Variants in IQGAP1 observed in about 807,000 individuals in gnomAD.
The protein encoded by IQGAP1 is IQ motif containing GTPase activating protein 1.
Under a neutral mutation model 215.6 loss-of-function variants are expected in IQGAP1, and 66 were observed. That is an observed-to-expected ratio of 0.31 (90% CI 0.25 to 0.38). IQGAP1 has a LOEUF of 0.38. IQGAP1 is among the 10% of genes least tolerant of loss of function. IQGAP1 has a pLI of 1.00. For synonymous variants in IQGAP1, 772 were observed against 728.7 expected (o/e 1.06, Z -0.96); for missense variants, 1,712 against 1,997.1 (o/e 0.86, Z 2.72).
chr15:90,434,174 C>G lies in IQGAP1; in HGVS notation c.467+379C>G, dbSNP rs376644751. 4.6e-5 allele frequency among the ~76,000 whole-genome samples: 7 copies of G among 152,092 alleles called. No homozygotes were observed. The South Asian group carries it at 1.2e-3, about 27-fold the overall frequency. ...TTTATAAGCCGGATGCGGTGGCTCA[C>G]GCCTGTAATCCCAGCATTTTGGGAG... On this transcript the variant is annotated intron_variant, in intron 5 of 37. Transcript: ENST00000268182.
At chr15:90,420,446 CCTT>C (rs1965117742) in intron 2 of IQGAP1, among the ~76,000 whole-genome samples, 1 of 152,178 alleles carries the variant, frequency 6.6e-6, no homozygotes, top group Non-Finnish European at 1.5e-5. Context: ...TTAGCAAAAA[CCTT>C]CTGACTACTG....
At chr15:90,468,075 G>GT (rs200776956) in intron 18 of IQGAP1, among the ~76,000 whole-genome samples, 22,137 of 144,330 alleles carry the variant, frequency 0.15, 2,414 homozygotes, top group East Asian at 0.47. Context: ...TTTGTTTTTT[G>GT]TTTTTTTTTT....
intron 9 of IQGAP1, among the ~76,000 whole-genome samples, chr15:90,445,847 G>GTT (rs11320197): frequency 4.3e-5 from 6 of 140,714 alleles, no homozygotes; most frequent in Admixed American, 1.4e-4. Flanking sequence ...TTTTTTTTGG[G>GTT]TTTTTTTTTT....
intron 11 of IQGAP1, among the ~76,000 whole-genome samples, chr15:90,452,029 C>T (rs538462993): frequency 2.0e-5 from 3 of 152,202 alleles, no homozygotes; most frequent in South Asian, 2.1e-4. Context: ...GGGGTTTCAC[C>T]GTGTTGACCA....
At chr15:90,463,210 A>G (rs1182893726) in intron 15 of IQGAP1, among the ~76,000 whole-genome samples, 3 of 152,198 alleles carry the variant, frequency 2.0e-5, no homozygotes, top group Non-Finnish European at 4.4e-5. Context: ...CTTAAGGAGT[A>G]TGTATGAAAG....
At chr15:90,426,334 G>T in intron 3 of IQGAP1, 68 bp downstream of exon 3, 3 of 1,521,086 alleles carry the variant, frequency 2.0e-6, no homozygotes, top group Non-Finnish European at 1.8e-6. Flanking sequence ...TTTATTTTGT[G>T]TAAGAGTTAT....
intron 30 of IQGAP1, among the ~76,000 whole-genome samples, chr15:90,484,750 C>T (rs1432706301): frequency 2.0e-5 from 3 of 152,120 alleles, no homozygotes; most frequent in African/African-American, 7.2e-5. Context: ...ACCTCATGAT[C>T]TGCCCACCTC....
chr15:90,486,594 A>G lies in IQGAP1; in HGVS notation c.4025-360A>G, dbSNP rs1307211221. The G allele has an allele frequency of 4.5e-5, 9 of 201,504 alleles. No individual in the cohort carries two copies. The East Asian group carries it at 8.9e-4, about 20-fold the overall frequency. The allele number at this position is 201,504 out of a possible 1,614,324, so 12.5% of individuals were successfully genotyped here. A position where few individuals can be genotyped will look rare whatever the true frequency, so the allele number is the denominator to read the frequency against. ...TTTTTAATAGAGATGGAGTCTCACT[A>G]TGTTGCCCAGGCTGGTCTCGAACTC... On this transcript the variant is annotated intron_variant, in intron 31 of 37. Coordinates refer to ENST00000268182, the MANE Select transcript of IQGAP1 (RefSeq NM_003870.4).
intron 2 of IQGAP1, among the ~76,000 whole-genome samples, chr15:90,404,082 C>G (rs1964842052): frequency 6.6e-6 from 1 of 152,214 alleles, no homozygotes; most frequent in Non-Finnish European, 1.5e-5. Flanking sequence ...CGGACATTTT[C>G]TCCTCAGCTT....
intron 31 of IQGAP1, 96 bp from the exon 32 acceptor site, chr15:90,486,858 T>C (rs780691221): frequency 9.6e-6 from 12 of 1,254,576 alleles, no homozygotes; most frequent in Non-Finnish European, 1.4e-5. Context: ...GATTCAAGTA[T>C]TATCTTAGAC....
At chr15:90,412,162 TACAC>T (rs1964976029) in intron 2 of IQGAP1, among the ~76,000 whole-genome samples, 1 of 152,224 alleles carries the variant, frequency 6.6e-6, no homozygotes, top group Admixed American at 6.5e-5. Context: ...TAGATATAAA[TACAC>T]ACAGAAGTTA....
rs34853230 is a variant in IQGAP1 at position 90,498,814 on chromosome 15, A to ATTT, written c.4861-1169_4861-1167dup. On this transcript the variant is annotated intron_variant, in intron 37 of 37. Coordinates refer to ENST00000268182, the MANE Select transcript of IQGAP1 (RefSeq NM_003870.4). ...AGGCGCACACCATCACGCCCGGCTA[A>ATTT]TTTTTTTTTTTTTTGAGACAGTTTC... Among the ~76,000 whole-genome samples the ATTT allele has an allele frequency of 1.8e-3, 253 of 139,840 alleles. 4 individuals are homozygous for ATTT. Among genetic ancestry groups the ATTT allele is most frequent in the Middle Eastern group, 7.2e-3 (2 of 276 alleles). 91.7% of individuals were successfully genotyped at this position (139,840 alleles called of 152,430 possible).
Position 90,486,013 on chromosome 15 carries a change from A to G in IQGAP1, c.3922-17A>G. On this transcript the variant is annotated splice_polypyrimidine_tract_variant and intron_variant, in intron 30 of 37. Transcript: ENST00000268182. Reference sequence around the variant, plus strand: ...AGAGTTGAATGTATAAATGGAGTTGATCATTGGTGTTTGCAGCTCCTGTTG... The same window carrying G: ...AGAGTTGAATGTATAAATGGAGTTGGTCATTGGTGTTTGCAGCTCCTGTTG... The G allele has an allele frequency of 6.3e-7, 1 of 1,595,548 alleles. No individual in the cohort carries two copies. Among genetic ancestry groups the G allele is most frequent in the Non-Finnish European group, 8.6e-7 (1 of 1,163,950 alleles).
At chr15:90,421,475 C>CA (rs201106789) in intron 2 of IQGAP1, among the ~76,000 whole-genome samples, 2,182 of 95,114 alleles carry the variant, frequency 0.023, 38 homozygotes, top group African/African-American at 0.065. Flanking sequence ...GACTCCGTTT[C>CA]AAAAAAAAAA....
In IQGAP1 at chr15:90,422,609, C is replaced by CAT. The variant is rs750865545; in HGVS notation, c.156-3486_156-3485dup. On this transcript the variant is annotated intron_variant, in intron 2 of 37. Transcript: ENST00000268182. ...AGAAATGTTTAATAATTGTCTCATT[C>CAT]ATATATATATATATATGTATATATA... Among the ~76,000 whole-genome samples, 63 of 111,186 alleles carry CAT rather than the reference C, an allele frequency of 5.7e-4. 1 individual carries two copies. The highest frequency in any genetic ancestry group is 5.1e-3 in the Middle Eastern group (1 of 196). The allele number at this position is 111,186 out of a possible 152,430, so 72.9% of individuals were successfully genotyped here.
At chr15:90,490,293 C>T (rs1966184895) in intron 33 of IQGAP1, among the ~76,000 whole-genome samples, 1 of 152,116 alleles carries the variant, frequency 6.6e-6, no homozygotes, top group Non-Finnish European at 1.5e-5. Flanking sequence ...ATGCATAGAG[C>T]AAGAAGACAG....
At chr15:90,423,320 A>G (rs897691615) in intron 2 of IQGAP1, among the ~76,000 whole-genome samples, 1 of 152,048 alleles carries the variant, frequency 6.6e-6, no homozygotes, top group Non-Finnish European at 1.5e-5. Context: ...TGCAGCTTCT[A>G]CCTCCCAGGT....
chr15:90,479,475 C>T (rs942338467), intron 26 of IQGAP1, among the ~76,000 whole-genome samples: 7 of 151,350 alleles, frequency 4.6e-5, no homozygotes, highest in Non-Finnish European at 8.8e-5. Flanking sequence ...TGGTAGCTCA[C>T]GACTGTAATC....
At position 90,491,957 on chromosome 15, in the gene IQGAP1, A is replaced by G. The variant is rs183816519; in HGVS notation, c.4461+412A>G. The stretch of plus-strand genomic sequence containing the variant: ...CTGTTGCACTAAGATAATATTATGC[A>G]CACCTGAGAACTGGTAGTTGATGTA... On this transcript the variant is annotated intron_variant, in intron 34 of 37. Transcript: ENST00000268182. Among the ~76,000 whole-genome samples, 781 of 152,328 alleles carry G rather than the reference A, an allele frequency of 5.1e-3. 8 individuals are homozygous for G. The highest frequency in any genetic ancestry group is 7.9e-3 in the Non-Finnish European group (535 of 68,036).
Sources: gnomAD v4.1 joint callset for allele counts (sites outside exome capture counted in the v4.1 genomes callset) on GRCh38, gnomAD v4.1.1 for gene constraint, MANE v1.5 for transcripts, NCBI Gene and HGNC (gene_info 2026-07-23, HGNC 2026-07-21) for gene names.